KATNA1: variants seen among roughly 807,000 people sequenced by gnomAD.
KATNA1 encodes the protein katanin catalytic subunit A1, also known as katanin p60 ATPase-containing subunit A1.
KATNA1 carries 42 observed loss-of-function variants against 62.6 expected under a neutral mutation model. The ratio of observed to expected loss-of-function variants is 0.67; its 90% confidence interval spans 0.52 to 0.87. The LOEUF is 0.87. Among genes scored for constraint, KATNA1 ranks in the 40% least tolerant of loss-of-function variants. The probability of loss-of-function intolerance (pLI) is 0.00; values close to 1 mark genes in which losing one functional copy is unlikely to be tolerated. For missense variants in KATNA1, 498 were observed against 612.5 expected, an observed-to-expected ratio of 0.81 and a Z score of 1.97; for synonymous variants, 186 against 201.9, an observed-to-expected ratio of 0.92 and a Z score of 0.67.
At chr6:149,596,574 C>G (rs749815689) in intron 10 of KATNA1, among the ~76,000 whole-genome samples, 3 of 146,834 alleles carry the variant, frequency 2.0e-5, no homozygotes, top group Non-Finnish European at 4.5e-5. Flanking sequence ...CTTTATTCAT[C>G]TTTTTTTTTT....
At chr6:149,619,201 T>A (rs181153574) in intron 4 of KATNA1, among the ~76,000 whole-genome samples, 1 of 152,082 alleles carries the variant, frequency 6.6e-6, no homozygotes, top group Non-Finnish European at 1.5e-5. Flanking sequence ...AAAGAAGACA[T>A]ATAAATGGTC....
chr6:149,614,340 T>G (rs1779081707), intron 4 of KATNA1, among the ~76,000 whole-genome samples: 1 of 152,224 alleles, frequency 6.6e-6, no homozygotes, highest in South Asian at 2.1e-4. Flanking sequence ...CCCTTCAGGC[T>G]GAAGCAACTT....
chr6:149,642,299 A>C (rs1414336580), intron 1 of KATNA1, among the ~76,000 whole-genome samples: 1 of 152,224 alleles, frequency 6.6e-6, no homozygotes, highest in Non-Finnish European at 1.5e-5. Flanking sequence ...TTGCAGGAAT[A>C]AACTGGCATA....
chr6:149,638,264 G>A (rs1780143111), intron 2 of KATNA1, 122 bp downstream of exon 2: 1 of 905,504 alleles, frequency 1.1e-6, no homozygotes, highest in South Asian at 1.7e-5. Context: ...GTGAGCCACT[G>A]TGTACTGTGC....
At chr6:149,623,997 G>A (rs746762875) in intron 3 of KATNA1, among the ~76,000 whole-genome samples, 4 of 152,176 alleles carry the variant, frequency 2.6e-5, no homozygotes, top group African/African-American at 7.2e-5. Context: ...TGGTATGTAT[G>A]TAATTTGGTA....
At chr6:149,618,452 T>G (rs1313933224) in intron 4 of KATNA1, among the ~76,000 whole-genome samples, 1 of 151,556 alleles carries the variant, frequency 6.6e-6, no homozygotes, top group Non-Finnish European at 1.5e-5. Flanking sequence ...CACTCCAGAC[T>G]GGGTGATAGA....
chr6:149,622,342 G>A (rs1229324725), intron 4 of KATNA1, among the ~76,000 whole-genome samples: 4 of 151,784 alleles, frequency 2.6e-5, no homozygotes, highest in Non-Finnish European at 4.4e-5. Context: ...TAATTGTGTT[G>A]TTTTTACGTA....
chr6:149,598,217 CAG>C lies in KATNA1; in HGVS notation c.1015+5_1015+6del. On this transcript the variant is annotated splice_donor_5th_base_variant and intron_variant, in intron 8 of 10. Coordinates refer to ENST00000367411, the MANE Select transcript of KATNA1 (RefSeq NM_007044.4). ...GTCCCTGTTCAACTCAAGCTAAACA[CAG>C]ATACCATCCATCTGAACCAGCAGCT... The C allele has an allele frequency of 1.2e-6, 2 of 1,613,734 alleles. No individual in the cohort carries two copies. Among genetic ancestry groups the C allele is most frequent in the Non-Finnish European group, 1.7e-6 (2 of 1,179,876 alleles).
At chr6:149,612,559 G>A (rs1047622492) in intron 4 of KATNA1, among the ~76,000 whole-genome samples, 31 of 152,034 alleles carry the variant, frequency 2.0e-4, no homozygotes, top group Admixed American at 4.6e-4. Context: ...AACTCTTCCA[G>A]AGCACAGAAG....
Position 149,626,292 on chromosome 6 carries a change from C to CTTTTTTTTTTTTTTTTTTTTT in KATNA1, c.321-3010_321-3009insAAAAAAAAAAAAAAAAAAAAA, listed in dbSNP as rs544379629. Reference sequence around the variant, plus strand: ...GAAACAACTATTTATATAACATTTACTTTTTTTTTTTTTTTTTTTTGAGAC... The same window carrying CTTTTTTTTTTTTTTTTTTTTT: ...GAAACAACTATTTATATAACATTTACTTTTTTTTTTTTTTTTTTTTTTTTTTTTTTTTTTTTTTTTTGAGAC... On this transcript the variant is annotated intron_variant, in intron 3 of 10. Transcript: ENST00000367411. Among the ~76,000 whole-genome samples the CTTTTTTTTTTTTTTTTTTTTT allele has an allele frequency of 5.6e-5, 5 of 88,748 alleles. 1 individual carries two copies. Among genetic ancestry groups the CTTTTTTTTTTTTTTTTTTTTT allele is most frequent in the East Asian group, 5.8e-4 (1 of 1,724 alleles). The allele number at this position is 88,748 out of a possible 152,430, so 58.2% of individuals were successfully genotyped here. A position where few individuals can be genotyped will look rare whatever the true frequency, so the allele number is the denominator to read the frequency against.
intron 4 of KATNA1, among the ~76,000 whole-genome samples, chr6:149,614,208 A>G (rs1779075276): frequency 6.6e-6 from 1 of 152,172 alleles, no homozygotes; most frequent in African/African-American, 2.4e-5. Context: ...CAGGATGGTC[A>G]AAAAGGACCC....
intron 4 of KATNA1, among the ~76,000 whole-genome samples, chr6:149,611,942 G>A (rs920741618): frequency 6.6e-6 from 1 of 152,100 alleles, no homozygotes; most frequent in Non-Finnish European, 1.5e-5. Context: ...GGAGCTTGCA[G>A]TGAGCCAAGA....
chr6:149,644,151 C>G (rs1331617871), intron 1 of KATNA1, among the ~76,000 whole-genome samples: 1 of 152,020 alleles, frequency 6.6e-6, no homozygotes, highest in East Asian at 1.9e-4. Flanking sequence ...ACAGAGACAC[C>G]TAGTCTGGGC....
At chr6:149,634,537 A>T (rs1355979799) in intron 2 of KATNA1, among the ~76,000 whole-genome samples, 1 of 152,100 alleles carries the variant, frequency 6.6e-6, no homozygotes, top group African/African-American at 2.4e-5. Context: ...ACAAGGTTTC[A>T]TTCTGTTGCC....
chr6:149,631,321 C>G (rs544329541), intron 3 of KATNA1: 1 of 152,246 alleles, frequency 6.6e-6, no homozygotes, highest in South Asian at 2.1e-4. Context: ...ATTGCTTGAA[C>G]TCAGGAGGCA....
chr6:149,595,185 CTG>C lies in KATNA1; in HGVS notation c.1325_1326del (p.Pro442ArgfsTer29). On this transcript the variant is annotated frameshift_variant, in exon 11 of 11. Coordinates refer to ENST00000367411, the MANE Select transcript of KATNA1 (RefSeq NM_007044.4). LOFTEE classifies it high-confidence loss of function. ...AMRRRIEGLT[P>X]EEIRNLSKEE... ...TCTTTGGAAAGATTTCGGATTTCCT[CTG>C]GAGTCAAACCTTCAATGCGCCTTCT... The C allele has an allele frequency of 1.9e-6, 3 of 1,614,100 alleles. No individual in the cohort carries two copies. The highest frequency in any genetic ancestry group is 1.7e-6 in the Non-Finnish European group (2 of 1,180,002).
chr6:149,619,712 G>A (rs1292995459), intron 4 of KATNA1, among the ~76,000 whole-genome samples: 2 of 152,148 alleles, frequency 1.3e-5, no homozygotes, highest in African/African-American at 4.8e-5. Flanking sequence ...TAGCCACTAT[G>A]AACAGTATGG....
At chr6:149,599,842 CA>C (rs1363329595) in intron 7 of KATNA1, among the ~76,000 whole-genome samples, 1 of 152,050 alleles carries the variant, frequency 6.6e-6, no homozygotes, top group Non-Finnish European at 1.5e-5. Context: ...TCCACTACTT[CA>C]AAAGAGGCTA....
chr6:149,600,208 AAAAAAAAAAAAAG>A (rs1036184607), intron 7 of KATNA1, among the ~76,000 whole-genome samples: 1 of 150,518 alleles, frequency 6.6e-6, no homozygotes, highest in Non-Finnish European at 1.5e-5. Context: ...AAAAAAAAAA[AAAAAAAAAAAAAG>A]CTGAACACAA....
Sources: allele counts gnomAD v4.1 joint callset (sites outside exome capture counted in the v4.1 genomes callset), GRCh38; gene constraint gnomAD v4.1.1; transcripts MANE v1.5; gene names NCBI Gene and HGNC (gene_info 2026-07-23, HGNC 2026-07-21).